The following PIK3C2G variants were observed in gnomAD, a reference collection of about 807,000 sequenced individuals.
The protein encoded by PIK3C2G is phosphatidylinositol 3-kinase C2 domain-containing subunit gamma.
Under a neutral mutation model 181.1 loss-of-function variants are expected in PIK3C2G, and 168 were observed. The ratio of observed to expected loss-of-function variants is 0.93; its 90% confidence interval spans 0.82 to 1.05. The LOEUF is 1.05. Among genes scored for constraint, PIK3C2G ranks in the 50% least tolerant of loss-of-function variants. The pLI, the probability that PIK3C2G is intolerant of heterozygous loss-of-function variation, is 0.00. For synonymous variants in PIK3C2G, 573 were observed against 592.2 expected, an observed-to-expected ratio of 0.97 and a Z score of 0.47; for missense variants, 1,869 against 1,732.8, an observed-to-expected ratio of 1.08 and a Z score of -1.40.
chr12:18,682,646 T>C, the PIK3C2G span, among the ~76,000 whole-genome samples: 1 of 152,044 alleles, frequency 6.6e-6, no homozygotes, highest in Non-Finnish European at 1.5e-5. Context: ...ATCTCTTTTA[T>C]AGATACGGAG....
upstream of PIK3C2G, among the ~76,000 whole-genome samples, chr12:18,247,270 A>G (rs541590524): frequency 5.9e-5 from 9 of 152,324 alleles, no homozygotes; most frequent in South Asian, 1.9e-3. Context: ...ATGTGTGGAC[A>G]TCTCTACTTT....
chr12:18,335,940 T>C (rs1202864743), intron 8 of PIK3C2G, among the ~76,000 whole-genome samples: 1 of 152,138 alleles, frequency 6.6e-6, no homozygotes, highest in Non-Finnish European at 1.5e-5. Context: ...GTATTAGTAT[T>C]TCAATTAGTG....
At chr12:18,620,215 C>A (rs1440471987) in intron 31 of PIK3C2G, among the ~76,000 whole-genome samples, 1 of 151,928 alleles carries the variant, frequency 6.6e-6, no homozygotes, top group Non-Finnish European at 1.5e-5. Context: ...TATACTAGTT[C>A]TACGAATAAT....
At chr12:18,523,223 T>A (rs1943026917) in intron 24 of PIK3C2G, among the ~76,000 whole-genome samples, 2 of 152,234 alleles carry the variant, frequency 1.3e-5, no homozygotes, top group Admixed American at 6.5e-5. Flanking sequence ...ATCAGACATT[T>A]CATAGTACTC....
At position 18,479,054 on chromosome 12, in the gene PIK3C2G, G is replaced by A. The variant is rs148825308; in HGVS notation, c.2505-9395G>A. Among the ~76,000 whole-genome samples the A allele has an allele frequency of 6.8e-3, 1,003 of 147,034 alleles. 14 individuals are homozygous for A. Among genetic ancestry groups the A allele is most frequent in the African/African-American group, 0.022 (897 of 40,122 alleles). The stretch of plus-strand genomic sequence containing the variant: ...ACATATATACATTATACATATATAC[G>A]TATACATATATAAAATATATCTATG... On this transcript the variant is annotated intron_variant, in intron 18 of 32. Transcript: ENST00000538779.
At chr12:18,518,218 A>C (rs369433652) in intron 24 of PIK3C2G, among the ~76,000 whole-genome samples, 1 of 152,118 alleles carries the variant, frequency 6.6e-6, no homozygotes, top group Non-Finnish European at 1.5e-5. Context: ...TGCCTCTGCC[A>C]GGTTTTGGCA....
the PIK3C2G span, among the ~76,000 whole-genome samples, chr12:18,674,671 A>G: frequency 1.3e-5 from 2 of 152,212 alleles, no homozygotes; most frequent in Non-Finnish European, 2.9e-5. Flanking sequence ...AACTACTCCC[A>G]TGAAGAGGCA....
Position 18,282,245 on chromosome 12 carries a change from AGAGT to A in PIK3C2G, c.167_170del (p.Ser56LysfsTer22). The A allele has an allele frequency of 6.2e-7, 1 of 1,613,768 alleles. No homozygotes were observed. Among genetic ancestry groups the A allele is most frequent in the Non-Finnish European group, 8.5e-7 (1 of 1,179,782 alleles). ...ATCAGTGGCAAAATTCCACACTACG[AGAGT>A]GAAATTGATGAAAACACCTTTTTTG... On this transcript the variant is annotated frameshift_variant, in exon 2 of 33. Coordinates refer to ENST00000538779, the MANE Select transcript of PIK3C2G (RefSeq NM_001288772.2). LOFTEE classifies it high-confidence loss of function.
At chr12:18,625,439 C>T (rs867496917) in intron 31 of PIK3C2G, among the ~76,000 whole-genome samples, 14 of 151,828 alleles carry the variant, frequency 9.2e-5, no homozygotes, top group African/African-American at 3.4e-4. Context: ...TACGGCCTAA[C>T]ATATGATCTG....
At chr12:18,646,206 G>A (rs1490133384) in intron 32 of PIK3C2G, among the ~76,000 whole-genome samples, 1 of 152,038 alleles carries the variant, frequency 6.6e-6, no homozygotes, top group South Asian at 2.1e-4. Flanking sequence ...TTTATTTAAT[G>A]AACATGTATT....
intron 26 of PIK3C2G, among the ~76,000 whole-genome samples, chr12:18,559,819 TATAGAGAGAGAGAG>T (rs1436154575): frequency 3.0e-4 from 6 of 19,934 alleles, no homozygotes; most frequent in Admixed American, 7.4e-4. Context: ...TATATATATA[TATAGAGAGAGAGAG>T]AGAGAGAGAG....
chr12:18,611,064 G>A (rs1299424218), intron 31 of PIK3C2G, among the ~76,000 whole-genome samples: 2 of 152,024 alleles, frequency 1.3e-5, no homozygotes, highest in Non-Finnish European at 2.9e-5. Flanking sequence ...TCATTCACCA[G>A]ATGAATCACC....
At chr12:18,544,759 T>G (rs1349607503) in intron 25 of PIK3C2G, among the ~76,000 whole-genome samples, 1 of 151,758 alleles carries the variant, frequency 6.6e-6, no homozygotes, top group Non-Finnish European at 1.5e-5. Context: ...GGATAGAGAG[T>G]TGACAACTCT....
At chr12:18,527,622 C>T (rs1053610448) in intron 24 of PIK3C2G, among the ~76,000 whole-genome samples, 1 of 151,828 alleles carries the variant, frequency 6.6e-6, no homozygotes, top group Non-Finnish European at 1.5e-5. Context: ...GAATTCCATG[C>T]GAAACATAGC....
At chr12:18,346,558 T>C in intron 10 of PIK3C2G, 83 bp from the exon 11 acceptor site, 1 of 747,284 alleles carries the variant, frequency 1.3e-6, no homozygotes, top group Non-Finnish European at 2.2e-6. Context: ...AATTGTATTA[T>C]ATGACATTTC....
rs565005556 is a variant in PIK3C2G at position 18,571,652 on chromosome 12, A to G, written c.4011+4595A>G. On this transcript the variant is annotated intron_variant, in intron 29 of 32. Coordinates refer to ENST00000538779, the MANE Select transcript of PIK3C2G (RefSeq NM_001288772.2). ...GTCTGAAAAATCTTTCTTCTGTATT[A>G]CTAATATAGCCAAGCCAGCTTTATT... is the stretch of plus-strand genomic sequence containing the variant. Among the ~76,000 whole-genome samples the G allele has an allele frequency of 2.7e-4, 41 of 150,968 alleles. 2 individuals carry two copies. The highest frequency in any genetic ancestry group is 8.9e-4 in the African/African-American group (36 of 40,514).
the PIK3C2G span, among the ~76,000 whole-genome samples, chr12:18,660,185 T>C: frequency 2.0e-5 from 3 of 152,128 alleles, no homozygotes; most frequent in African/African-American, 7.2e-5. Context: ...TAGGTCAATT[T>C]CAGCTCTTAA....
intron 18 of PIK3C2G, among the ~76,000 whole-genome samples, chr12:18,465,350 T>C (rs1203429717): frequency 6.6e-6 from 1 of 151,918 alleles, no homozygotes; most frequent in Non-Finnish European, 1.5e-5. Flanking sequence ...TATTTAGCTT[T>C]ACAATATGTC....
intron 18 of PIK3C2G, among the ~76,000 whole-genome samples, chr12:18,441,009 A>G (rs1946718912): frequency 6.6e-6 from 1 of 152,176 alleles, no homozygotes; most frequent in South Asian, 2.1e-4. Flanking sequence ...CCAAATATTT[A>G]GTGGTAACGC....
Sources: allele counts gnomAD v4.1 joint callset (sites outside exome capture counted in the v4.1 genomes callset), GRCh38; gene constraint gnomAD v4.1.1; transcripts MANE v1.5; gene names NCBI Gene and HGNC (gene_info 2026-07-23, HGNC 2026-07-21).